KLHL24: variants seen among roughly 807,000 people sequenced by gnomAD.
The protein encoded by KLHL24 is kelch like family member 24, also known as kelch-like protein 24.
In KLHL24, 29 loss-of-function variants were observed where a neutral mutation model predicts 53.4. That is an observed-to-expected ratio of 0.54 (90% CI 0.40 to 0.74). The LOEUF (loss-of-function observed/expected upper bound fraction) is 0.74. Among genes scored for constraint, KLHL24 ranks in the 30% least tolerant of loss-of-function variants. The pLI is 0.00. For missense variants in KLHL24, 504 were observed against 744.0 expected (o/e 0.68, Z 3.75); for synonymous variants, 222 against 253.7 (o/e 0.88, Z 1.19).
rs397955282 is a variant in KLHL24, at chr3:183,644,034, C to CTTTTTTTTTTTTTTT, written c.-62+503_-62+517dup. The CTTTTTTTTTTTTTTT allele has an allele frequency of 2.6e-4, 20 of 76,108 alleles. 4 individuals carry two copies. The highest frequency in any genetic ancestry group is 1.1e-3 in the African/African-American group (18 of 16,514). 4.7% of individuals were successfully genotyped at this position (76,108 alleles called of 1,614,324 possible). A position where few individuals can be genotyped will look rare whatever the true frequency, so the allele number is the denominator to read the frequency against. On this transcript the variant is annotated intron_variant, in intron 2 of 7. Coordinates refer to ENST00000242810, the MANE Select transcript of KLHL24 (RefSeq NM_017644.3). ...GATGATAGGATAACATTTTTCTTTC[C>CTTTTTTTTTTTTTTT]TTTTTTTTTTTTTTTTTTTTTTTTT...
intron 3 of KLHL24, among the ~76,000 whole-genome samples, chr3:183,662,134 A>G (rs561460061): frequency 1.3e-5 from 2 of 152,242 alleles, no homozygotes; most frequent in African/African-American, 4.8e-5. Flanking sequence ...AGGTTATATA[A>G]TTTCCTGGAT....
Position 183,650,263 on chromosome 3 carries a change from C to G in KLHL24, c.-61-33C>G, listed in dbSNP as rs921177163. On this transcript the variant is annotated intron_variant, in intron 2 of 7. Transcript: ENST00000242810. The surrounding 1 kb of genome is among the most constrained non-coding windows in gnomAD (Gnocchi z 4.5). Reference sequence around the variant, plus strand: ...TGTGATTTGAATACTGAATTTTTTGCATATTGAAATGTTTTCCTTTTTTTA... The same window carrying G: ...TGTGATTTGAATACTGAATTTTTTGGATATTGAAATGTTTTCCTTTTTTTA... 23 of 884,334 alleles carry G rather than the reference C, an allele frequency of 2.6e-5. No individual in the cohort carries two copies. The African/African-American group carries it at 3.4e-4, about 13-fold the overall frequency. The allele number at this position is 884,334 out of a possible 1,614,324, so 54.8% of individuals were successfully genotyped here. A position where few individuals can be genotyped will look rare whatever the true frequency, so the allele number is the denominator to read the frequency against.
Position 183,672,415 on chromosome 3 carries a change from C to T in KLHL24, c.1533C>T (p.Thr511=). Residue 511 remains threonine, a synonymous_variant, in exon 7 of 8, where the codon ACC becomes ACT. Coordinates refer to ENST00000242810, the MANE Select transcript of KLHL24 (RefSeq NM_017644.3). ...TGATCTATGTTGCCGGTGGACTGAC[C>T]AAGGCAATATACTGTTACGATCCAG... ...NNLIYVAGGL[T]KAIYCYDPVE... is the part of the protein sequence containing the mutation. 1 of 1,613,434 alleles carries T rather than the reference C, an allele frequency of 6.2e-7. No individual in the cohort carries two copies. Among genetic ancestry groups the T allele is most frequent in the South Asian group, 1.1e-5 (1 of 91,010 alleles).
At chr3:183,667,348 C>T (rs1199242439) in intron 5 of KLHL24, among the ~76,000 whole-genome samples, 1 of 152,182 alleles carries the variant, frequency 6.6e-6, no homozygotes, top group Middle Eastern at 3.2e-3. Context: ...GCGGAGTTTG[C>T]AGTGAGCCAA....
chr3:183,664,379 G>A (rs868154634), intron 4 of KLHL24, among the ~76,000 whole-genome samples: 11 of 152,012 alleles, frequency 7.2e-5, no homozygotes, highest in Middle Eastern at 3.2e-3. Context: ...TTATGATTGT[G>A]ATATGTTACC....
At position 183,671,236 on chromosome 3, in the gene KLHL24, T is replaced by G. The variant is rs566773869; in HGVS notation, c.1413+14T>G. 3 of 1,593,598 alleles carry G rather than the reference T, an allele frequency of 1.9e-6. No homozygotes were observed. The highest frequency in any genetic ancestry group is 2.7e-5 in the African/African-American group (2 of 74,442). On this transcript the variant is annotated intron_variant, in intron 6 of 7. Coordinates refer to ENST00000242810, the MANE Select transcript of KLHL24 (RefSeq NM_017644.3). ...TGTTCTGATAAGGTAAGCCATGCACTTTTAAAGAAATTACCAATATTAAGT... is the reference window on the plus strand; with the variant it reads ...TGTTCTGATAAGGTAAGCCATGCACGTTTAAAGAAATTACCAATATTAAGT...
chr3:183,656,059 T>TTTTTC lies in KLHL24; in HGVS notation c.920+4786_920+4787insTCTTT, dbSNP rs1178459038. On this transcript the variant is annotated intron_variant, in intron 3 of 7. Coordinates refer to ENST00000242810, the MANE Select transcript of KLHL24 (RefSeq NM_017644.3). ...CATCTTTTTTTTTTTTTTTTTTTTT[T>TTTTTC]TTTCTGAGACAGGGTCTCACTCTGT... Among the ~76,000 whole-genome samples, 133 of 135,770 alleles carry TTTTTC rather than the reference T, an allele frequency of 9.8e-4. 3 individuals carry two copies. The highest frequency in any genetic ancestry group is 9.2e-3 in the South Asian group (38 of 4,130). 89.1% of individuals were successfully genotyped at this position (135,770 alleles called of 152,430 possible). A position where few individuals can be genotyped will look rare whatever the true frequency, so the allele number is the denominator to read the frequency against.
intron 3 of KLHL24, among the ~76,000 whole-genome samples, chr3:183,658,730 A>G (rs2108824144): frequency 6.6e-6 from 1 of 152,258 alleles, no homozygotes; most frequent in African/African-American, 2.4e-5. Context: ...TGTTTACATT[A>G]GTTTTTGTAA....
intron 3 of KLHL24, among the ~76,000 whole-genome samples, chr3:183,661,064 CA>C (rs755600519): frequency 0.011 from 293 of 27,882 alleles, 9 homozygotes; most frequent in African/African-American, 0.038. Flanking sequence ...GACTCCGTCT[CA>C]AAAAAAAAAA....
At chr3:183,668,872 C>T (rs140627464) in intron 5 of KLHL24, among the ~76,000 whole-genome samples, 29 of 150,898 alleles carry the variant, frequency 1.9e-4, no homozygotes, top group African/African-American at 4.6e-4. Flanking sequence ...CACTCCAGCC[C>T]GGTGACAGAG....
chr3:183,639,353 G>T (rs576049864), intron 1 of KLHL24, among the ~76,000 whole-genome samples: 1 of 152,080 alleles, frequency 6.6e-6, no homozygotes, highest in South Asian at 2.1e-4. Context: ...ATTTGTGGCC[G>T]GGCGCGGTGG....
chr3:183,675,484 T>C (rs1711674234), intron 7 of KLHL24, among the ~76,000 whole-genome samples: 1 of 152,104 alleles, frequency 6.6e-6, no homozygotes, highest in Non-Finnish European at 1.5e-5. Context: ...GGAAAACCAT[T>C]CTCCAGCCCT....
chr3:183,670,891 C>T, intron 5 of KLHL24, 143 bp from the exon 6 acceptor site: 7 of 608,766 alleles, frequency 1.1e-5, no homozygotes, highest in Non-Finnish European at 2.0e-5. Context: ...TTAAAAGGTT[C>T]AGAAACTCTG....
chr3:183,637,039 T>C (rs1342704798), intron 1 of KLHL24, among the ~76,000 whole-genome samples: 1 of 152,222 alleles, frequency 6.6e-6, no homozygotes, highest in Non-Finnish European at 1.5e-5. Context: ...TTGTTGCCAG[T>C]TCTGTAAACG....
intron 5 of KLHL24, among the ~76,000 whole-genome samples, chr3:183,665,885 C>T (rs1576953457): frequency 7.0e-6 from 1 of 142,920 alleles, no homozygotes. Context: ...GAGAATCAAA[C>T]TTTTTTTTTT....
intron 5 of KLHL24, among the ~76,000 whole-genome samples, chr3:183,667,839 C>T (rs1199406977): frequency 1.3e-5 from 2 of 151,910 alleles, no homozygotes; most frequent in Non-Finnish European, 2.9e-5. Flanking sequence ...ACCTCAGCCT[C>T]CCTAGTAGCT....
Position 183,679,307 on chromosome 3 carries a change from G to A in KLHL24, c.*21G>A, listed in dbSNP as rs775168477. On this transcript the variant is annotated 3_prime_UTR_variant, in exon 8 of 8. Coordinates refer to ENST00000242810, the MANE Select transcript of KLHL24 (RefSeq NM_017644.3). ...TCTGAAGACAGGATACCTCACCGAA[G>A]AAGCCACACTGATCCAAGATGGGAG... The A allele has an allele frequency of 2.5e-6, 4 of 1,587,480 alleles. No homozygotes were observed. The highest frequency in any genetic ancestry group is 2.2e-5 in the East Asian group (1 of 44,754).
At chr3:183,647,676 AC>A (rs1232714281) in intron 2 of KLHL24, among the ~76,000 whole-genome samples, 1 of 151,948 alleles carries the variant, frequency 6.6e-6, no homozygotes, top group Non-Finnish European at 1.5e-5. Context: ...GCGCCACTAC[AC>A]TCCAGCCTGG....
In KLHL24 at chr3:183,679,442, A is replaced by T. The variant is rs1466166724; in HGVS notation, c.*156A>T. The T allele has an allele frequency of 1.8e-5, 11 of 613,834 alleles. No homozygotes were observed. The highest frequency in any genetic ancestry group is 3.1e-5 in the Non-Finnish European group (11 of 356,142). 38.0% of individuals were successfully genotyped at this position (613,834 alleles called of 1,614,324 possible). On this transcript the variant is annotated 3_prime_UTR_variant, in exon 8 of 8. Transcript: ENST00000242810. ...TCTCCTCAAAATATCAATCTTTCAA[A>T]CTATAATAAAGCCTTTCCTATAATT...
Sources: allele counts gnomAD v4.1 joint callset (sites outside exome capture counted in the v4.1 genomes callset), GRCh38; gene constraint gnomAD v4.1.1; non-coding constraint Gnocchi (gnomAD v3.1); transcripts MANE v1.5; gene names NCBI Gene and HGNC (gene_info 2026-07-23, HGNC 2026-07-21).